ZNF713: variants seen among roughly 807,000 people sequenced by gnomAD.
The protein encoded by ZNF713 is zinc finger protein 713.
In ZNF713, 21 loss-of-function variants were observed where a neutral mutation model predicts 28.7. The observed-to-expected ratio is 0.73, with a 90% CI of 0.52 to 1.05. The LOEUF (loss-of-function observed/expected upper bound fraction) is 1.05. Ranked by LOEUF, ZNF713 falls within the 50% of genes least tolerant of loss-of-function variation. The pLI, the probability that ZNF713 is intolerant of heterozygous loss-of-function variation, is 0.00. For missense variants in ZNF713, 458 were observed against 532.4 expected, an observed-to-expected ratio of 0.86 and a Z score of 1.37; for synonymous variants, 167 against 178.0, an observed-to-expected ratio of 0.94 and a Z score of 0.49.
In ZNF713 at chr7:55,939,414, A is replaced by G; in HGVS notation, c.740A>G (p.His247Arg). 1 of 1,613,968 alleles carries G rather than the reference A, an allele frequency of 6.2e-7. No homozygotes were observed. The change falls in exon 7 of 7, where the codon CAT becomes CGT. Residue 247 changes from histidine to arginine, a missense_variant. His to Arg is a conservative substitution (Grantham distance 29). Coordinates refer to ENST00000429591, the MANE Select transcript of ZNF713 (RefSeq NM_182633.3). ...GAGTGTGGAAAAATCTTCAATCAACATATTCTTCTTACTGATCATATTCAT... is the reference window on the plus strand; with the variant it reads ...GAGTGTGGAAAAATCTTCAATCAACGTATTCTTCTTACTGATCATATTCAT... ...YSECGKIFNQ[H>R]ILLTDHIHTA...
At chr7:55,912,807 AGTC>A in intron 4 of ZNF713, 84 bp downstream of exon 4, 1 of 1,132,570 alleles carries the variant, frequency 8.8e-7, no homozygotes, top group Admixed American at 2.0e-5. Context: ...AGAAGTGCTG[AGTC>A]ACAAAAATCC....
At chr7:55,899,377 A>G (rs1450526504) in intron 1 of ZNF713, among the ~76,000 whole-genome samples, 1 of 117,594 alleles carries the variant, frequency 8.5e-6, no homozygotes, top group East Asian at 3.3e-4. Flanking sequence ...AAAAAAAAAA[A>G]AATCAAGCCA....
Position 55,923,214 on chromosome 7 carries a change from A to ACCAGCTGTACCCTGCCC in ZNF713, c.141_157dup (p.Gln53ProfsTer14). 3 of 1,613,704 alleles carry ACCAGCTGTACCCTGCCC rather than the reference A, an allele frequency of 1.9e-6. No homozygotes were observed. In the African/African-American group the frequency reaches 4.0e-5, roughly 22 times the overall value. On this transcript the variant is annotated frameshift_variant, in exon 5 of 7. Transcript: ENST00000429591. LOFTEE classifies it high-confidence loss of function. ...GTGGACTTCACCAGAGAGGAGTGGG[A>ACCAGCTGTACCCTGCCC]CCAGCTGTACCCTGCCCAAAAGAAC... is the stretch of plus-strand genomic sequence containing the variant.
At chr7:55,937,926 G>A (rs1183629609) in intron 6 of ZNF713, among the ~76,000 whole-genome samples, 6 of 151,260 alleles carry the variant, frequency 4.0e-5, no homozygotes, top group Non-Finnish European at 8.8e-5. Flanking sequence ...TTAAGAGGCC[G>A]GGCACGGTGG....
At chr7:55,892,870 G>A (rs1446767520) in intron 1 of ZNF713, among the ~76,000 whole-genome samples, 4 of 120,434 alleles carry the variant, frequency 3.3e-5, no homozygotes, top group Non-Finnish European at 5.0e-5. Context: ...AAATTGTTTG[G>A]GAAAAAAAAA....
chr7:55,893,224 T>C (rs1356422418), intron 1 of ZNF713, among the ~76,000 whole-genome samples: 4 of 152,118 alleles, frequency 2.6e-5, no homozygotes, highest in Non-Finnish European at 5.9e-5. Context: ...GCCTTCAGAC[T>C]GAAGACCCAA....
chr7:55,917,891 A>G lies in ZNF713; in HGVS notation c.87+5168A>G, dbSNP rs545783433. 7.3e-4 allele frequency among the ~76,000 whole-genome samples: 111 copies of G among 152,324 alleles called. 3 individuals are homozygous for G. The South Asian group carries it at 0.022, about 30-fold the overall frequency. On this transcript the variant is annotated intron_variant, in intron 4 of 6. Transcript: ENST00000429591. Reference sequence around the variant, plus strand: ...CATGAGTTTGATATTTTCCACAAGTATAACATATTCTGTTGGCAAAGCTGT... The same window carrying G: ...CATGAGTTTGATATTTTCCACAAGTGTAACATATTCTGTTGGCAAAGCTGT...
In ZNF713 at chr7:55,939,631, T is replaced by C. The variant is rs1051955012; in HGVS notation, c.957T>C (p.Cys319=). 1.2e-6 allele frequency: 2 copies of C among 1,614,086 alleles called. No individual in the cohort carries two copies. Among genetic ancestry groups the C allele is most frequent in the African/African-American group, 2.7e-5 (2 of 74,936 alleles). Residue 319 remains cysteine (C), a synonymous_variant, in exon 7 of 7, where the codon TGT becomes TGC. Coordinates refer to ENST00000429591, the MANE Select transcript of ZNF713 (RefSeq NM_182633.3). ...TGEKPFICNG[C]GKAFRQHSSF... is the part of the protein sequence containing the mutation. ...AAAAGCCTTTTATATGCAATGGATG[T>C]GGGAAAGCCTTCCGTCAGCATTCAT...
At chr7:55,913,698 T>A (rs953382654) in intron 4 of ZNF713, among the ~76,000 whole-genome samples, 4 of 152,200 alleles carry the variant, frequency 2.6e-5, no homozygotes, top group African/African-American at 9.7e-5. Context: ...CTCTCAGGAT[T>A]CCTCCACAAA....
At chr7:55,893,019 A>T (rs956266970) in intron 1 of ZNF713, among the ~76,000 whole-genome samples, 10 of 150,846 alleles carry the variant, frequency 6.6e-5, no homozygotes, top group African/African-American at 2.4e-4. Flanking sequence ...AGTAGCTGGG[A>T]CTACAGGCGG....
intron 1 of ZNF713, among the ~76,000 whole-genome samples, chr7:55,888,504 T>A (rs2116148866): frequency 6.6e-6 from 1 of 152,296 alleles, no homozygotes; most frequent in East Asian, 1.9e-4. Flanking sequence ...TTCCTCAGCC[T>A]CCTCAGTAGC....
At chr7:55,916,132 A>G (rs890996142) in intron 4 of ZNF713, among the ~76,000 whole-genome samples, 4 of 152,242 alleles carry the variant, frequency 2.6e-5, no homozygotes, top group Non-Finnish European at 5.9e-5. Flanking sequence ...GTAATGGTAA[A>G]TCAGATCATG....
intron 2 of ZNF713, among the ~76,000 whole-genome samples, 184 bp downstream of exon 2, chr7:55,906,563 A>G (rs1304626905): frequency 6.6e-6 from 1 of 152,140 alleles, no homozygotes; most frequent in East Asian, 1.9e-4. Context: ...TCACAGCGGA[A>G]AGTTCAGGTC....
chr7:55,891,686 C>G (rs945029637), intron 1 of ZNF713, among the ~76,000 whole-genome samples: 2 of 151,796 alleles, frequency 1.3e-5, no homozygotes, highest in East Asian at 3.9e-4. Context: ...AAGTGAGATC[C>G]TGTCTCAAAA....
chr7:55,914,278 T>C (rs772197005), intron 4 of ZNF713, among the ~76,000 whole-genome samples: 3 of 152,230 alleles, frequency 2.0e-5, no homozygotes, highest in African/African-American at 4.8e-5. Context: ...TTGCTTCAGA[T>C]AGGATTTCTA....
At chr7:55,892,888 A>AAG (rs1785414036) in intron 1 of ZNF713, among the ~76,000 whole-genome samples, 2 of 149,646 alleles carry the variant, frequency 1.3e-5, no homozygotes, top group African/African-American at 4.9e-5. Flanking sequence ...AAAAAAAAAA[A>AAG]GGCGGAGTAA....
At chr7:55,900,874 T>C (rs774566777) in intron 1 of ZNF713, among the ~76,000 whole-genome samples, 2 of 152,196 alleles carry the variant, frequency 1.3e-5, no homozygotes, top group Non-Finnish European at 2.9e-5. Flanking sequence ...TTTCAACATG[T>C]TGCCCAGGCT....
intron 1 of ZNF713, among the ~76,000 whole-genome samples, chr7:55,892,871 GAA>G (rs1194009107): frequency 2.4e-5 from 3 of 123,612 alleles, no homozygotes; most frequent in Admixed American, 1.7e-4. Context: ...AATTGTTTGG[GAA>G]AAAAAAAAAA....
intron 1 of ZNF713, among the ~76,000 whole-genome samples, chr7:55,902,659 A>G (rs1283822466): frequency 1.3e-5 from 2 of 152,166 alleles, no homozygotes; most frequent in Admixed American, 6.6e-5. Context: ...ATGTCATAAA[A>G]TGCTTTTGAA....
Sources: gnomAD v4.1 joint callset for allele counts (sites outside exome capture counted in the v4.1 genomes callset) on GRCh38, gnomAD v4.1.1 for gene constraint, MANE v1.5 for transcripts, NCBI Gene and HGNC (gene_info 2026-07-23, HGNC 2026-07-21) for gene names.